Variants in PCDH11X observed in about 807,000 individuals in gnomAD.
The protein encoded by PCDH11X is protocadherin 11 X-linked.
PCDH11X carries 18 observed loss-of-function variants against 53.3 expected under a neutral mutation model. The observed-to-expected ratio is 0.34, with a 90% CI of 0.23 to 0.50. The LOEUF (loss-of-function observed/expected upper bound fraction) is 0.50, where lower values mean the gene tolerates loss of function less well. Ranked by LOEUF, PCDH11X falls within the 20% of genes least tolerant of loss-of-function variation. The pLI is 0.98. For synonymous variants in PCDH11X, 279 were observed against 393.3 expected (o/e 0.71, Z 3.44); for missense variants, 570 against 1,032.4 (o/e 0.55, Z 6.14).
intron 4 of PCDH11X, among the ~76,000 whole-genome samples, chrX:91,811,998 A>T (rs2147561575): frequency 9.5e-6 from 1 of 105,589 alleles, no homozygotes; most frequent in South Asian, 4.3e-4. Flanking sequence ...AACCAAATTT[A>T]GAAGTAGTGT....
chrX:92,111,394 G>A (rs1278078314), intron 6 of PCDH11X, among the ~76,000 whole-genome samples: 1 of 109,715 alleles, frequency 9.1e-6, no homozygotes, highest in African/African-American at 3.3e-5. Context: ...TCATGAAAAT[G>A]TAGTTGCCCC....
At chrX:92,442,234 T>C (rs1222279748) in intron 9 of PCDH11X, among the ~76,000 whole-genome samples, 2 of 109,869 alleles carry the variant, frequency 1.8e-5, no homozygotes, top group Non-Finnish European at 3.8e-5. Flanking sequence ...CTGTGGACTT[T>C]TGAGTTAAAA....
At chrX:92,519,873 A>T (rs1390167342) in intron 10 of PCDH11X, among the ~76,000 whole-genome samples, 1 of 109,700 alleles carries the variant, frequency 9.1e-6, no homozygotes. Flanking sequence ...TAACAATAGT[A>T]TCAATAGCTG....
intron 6 of PCDH11X, among the ~76,000 whole-genome samples, chrX:92,097,597 CAGTT>C (rs1406449412): frequency 1.5e-4 from 17 of 110,127 alleles, no homozygotes; most frequent in African/African-American, 2.3e-4. Flanking sequence ...AATTAATACT[CAGTT>C]AATACTTAAA....
chrX:92,065,863 A>G (rs2063600327), intron 6 of PCDH11X, among the ~76,000 whole-genome samples: 1 of 109,853 alleles, frequency 9.1e-6, no homozygotes, highest in African/African-American at 3.3e-5. Flanking sequence ...TTTTAACTTG[A>G]TGTGATTCCA....
chrX:92,313,013 C>A (rs1413774368), intron 8 of PCDH11X, among the ~76,000 whole-genome samples: 26 of 111,311 alleles, frequency 2.3e-4, no homozygotes, highest in South Asian at 7.5e-4. Context: ...ATAAAATAGT[C>A]TCTTCATTAA....
chrX:92,149,149 C>G (rs1026125906), intron 6 of PCDH11X, among the ~76,000 whole-genome samples: 12 of 110,450 alleles, frequency 1.1e-4, no homozygotes, highest in African/African-American at 4.0e-4. Flanking sequence ...AGTTGCCTGA[C>G]AAAGCAGATG....
At chrX:92,067,457 C>A in intron 6 of PCDH11X, among the ~76,000 whole-genome samples, 1 of 111,749 alleles carries the variant, frequency 8.9e-6, no homozygotes, top group Admixed American at 9.5e-5. Context: ...TATGACACAT[C>A]ACATTGATTT....
chrX:92,007,857 A>G (rs1348850025), intron 6 of PCDH11X, among the ~76,000 whole-genome samples: 7 of 111,177 alleles, frequency 6.3e-5, no homozygotes, highest in Non-Finnish European at 1.3e-4. Flanking sequence ...TTCAGTTAGC[A>G]GACGATAAAA....
chrX:92,012,041 T>G (rs966712159), intron 6 of PCDH11X, among the ~76,000 whole-genome samples: 22 of 111,267 alleles, frequency 2.0e-4, no homozygotes, highest in African/African-American at 6.2e-4. Context: ...AAAGTCAATC[T>G]TGACATATGG....
chrX:92,588,372 G>A (rs756481904), intron 10 of PCDH11X, among the ~76,000 whole-genome samples: 53 of 97,758 alleles, frequency 5.4e-4, no homozygotes, highest in Middle Eastern at 5.4e-3. Flanking sequence ...GTGTGTGTGT[G>A]TATATATATA....
intron 6 of PCDH11X, among the ~76,000 whole-genome samples, chrX:91,933,591 T>C (rs1190538273): frequency 9.0e-6 from 1 of 111,403 alleles, no homozygotes; most frequent in East Asian, 2.9e-4. Context: ...TCAGCTTTTA[T>C]AGGAAAGATA....
intron 6 of PCDH11X, among the ~76,000 whole-genome samples, chrX:92,039,633 G>A (rs915577368): frequency 6.3e-5 from 7 of 111,532 alleles, no homozygotes; most frequent in African/African-American, 2.3e-4. Flanking sequence ...TCTGGCCCAG[G>A]GCAGGTTCAT....
intron 9 of PCDH11X, among the ~76,000 whole-genome samples, chrX:92,423,912 G>C (rs771718728): frequency 2.1e-5 from 2 of 96,733 alleles, no homozygotes; most frequent in South Asian, 8.5e-4. Flanking sequence ...ATAAAGTCAG[G>C]TAATATGATG....
chrX:92,090,478 C>T (rs2759959), intron 6 of PCDH11X, among the ~76,000 whole-genome samples: 1 of 111,504 alleles, frequency 9.0e-6, no homozygotes, highest in Non-Finnish European at 1.9e-5. Flanking sequence ...ATGCCAGTTT[C>T]GATTCATCAA....
intron 7 of PCDH11X, among the ~76,000 whole-genome samples, chrX:92,218,975 G>A (rs1208392466): frequency 3.6e-5 from 4 of 111,334 alleles, no homozygotes; most frequent in Non-Finnish European, 7.5e-5. Flanking sequence ...ATGCAGAAAA[G>A]GCCTTTGACA....
chrX:92,002,720 T>C (rs1307129312), intron 6 of PCDH11X, among the ~76,000 whole-genome samples: 1 of 107,731 alleles, frequency 9.3e-6, no homozygotes, highest in Non-Finnish European at 1.9e-5. Flanking sequence ...GAATTGCTAC[T>C]AATTTTTGTA....
At chrX:92,416,200 T>C (rs185785523) in intron 9 of PCDH11X, among the ~76,000 whole-genome samples, 170 of 109,809 alleles carry the variant, frequency 1.5e-3, no homozygotes, top group African/African-American at 5.6e-3. Flanking sequence ...ATTGAGGAGG[T>C]GGGAATGGTT....
At chrX:92,564,315 A>G (rs1484789194) in intron 10 of PCDH11X, among the ~76,000 whole-genome samples, 1 of 105,504 alleles carries the variant, frequency 9.5e-6, no homozygotes, top group Non-Finnish European at 2.0e-5. Flanking sequence ...AGTCAAAGCT[A>G]TTCTGAGCCA....
Sources: gnomAD v4.1 joint callset for allele counts (sites outside exome capture counted in the v4.1 genomes callset) on GRCh38, gnomAD v4.1.1 for gene constraint, MANE v1.5 for transcripts, NCBI Gene and HGNC (gene_info 2026-07-23, HGNC 2026-07-21) for gene names.